The following COP1 variants were observed in gnomAD, a reference collection of about 807,000 sequenced individuals.
COP1 encodes the protein COP1 E3 ubiquitin ligase, also known as E3 ubiquitin-protein ligase COP1.
Under a neutral mutation model 101.3 loss-of-function variants are expected in COP1, and 24 were observed. The ratio of observed to expected loss-of-function variants is 0.24; its 90% CI spans 0.17 to 0.33. The LOEUF is 0.33. Ranked by LOEUF, COP1 falls within the 10% of genes least tolerant of loss-of-function variation. COP1 has a pLI of 1.00. For synonymous variants in COP1, 347 were observed against 341.9 expected, an observed-to-expected ratio of 1.01 and a Z score of -0.17; for missense variants, 663 against 906.2, an observed-to-expected ratio of 0.73 and a Z score of 3.45.
intron 15 of COP1, among the ~76,000 whole-genome samples, chr1:176,022,607 G>A (rs749313346): frequency 2.2e-4 from 33 of 152,140 alleles, no homozygotes; most frequent in South Asian, 4.2e-4. Flanking sequence ...ACTGAATATC[G>A]GTCAGTTTTC....
chr1:176,089,021 G>A (rs1680764788), intron 9 of COP1, among the ~76,000 whole-genome samples: 2 of 147,358 alleles, frequency 1.4e-5, no homozygotes, highest in Admixed American at 1.4e-4. Flanking sequence ...AATCTATTTA[G>A]GCCGGGCGTG....
At chr1:176,183,389 A>C (rs1242621151) in intron 2 of COP1, among the ~76,000 whole-genome samples, 1 of 152,240 alleles carries the variant, frequency 6.6e-6, no homozygotes, top group African/African-American at 2.4e-5. Context: ...AAGCAAAAAT[A>C]ATTAAAAATA....
chr1:176,051,892 G>A (rs751531152), intron 11 of COP1, among the ~76,000 whole-genome samples: 21 of 151,958 alleles, frequency 1.4e-4, no homozygotes, highest in Non-Finnish European at 2.8e-4. Context: ...TTTTAGCCAA[G>A]GGTTATTGCA....
chr1:176,016,386 T>G (rs905893037), intron 15 of COP1, among the ~76,000 whole-genome samples: 1 of 152,014 alleles, frequency 6.6e-6, no homozygotes, highest in Non-Finnish European at 1.5e-5. Flanking sequence ...CAGAAGTGAG[T>G]GGTCAACAGT....
At chr1:175,993,623 G>A (rs368655103) in intron 15 of COP1, among the ~76,000 whole-genome samples, 20 of 152,176 alleles carry the variant, frequency 1.3e-4, no homozygotes, top group Non-Finnish European at 2.4e-4. Context: ...CCGATGAGAT[G>A]AACTGGAAGA....
Position 176,206,996 on chromosome 1 carries a change from C to T in COP1, c.-18G>A. The T allele has an allele frequency of 7.3e-7, 1 of 1,366,782 alleles. No individual in the cohort carries two copies. Among genetic ancestry groups the T allele is most frequent in the Non-Finnish European group, 9.4e-7 (1 of 1,062,946 alleles). 84.7% of individuals were successfully genotyped at this position (1,366,782 alleles called of 1,614,324 possible). A position where few individuals can be genotyped will look rare whatever the true frequency, so the allele number is the denominator to read the frequency against. ...CCAGACATCGTGACTCCCTCCCCTCCAGCCGGGCGCTCGGAGGAGAGGGAC... is the reference window on the plus strand; with the variant it reads ...CCAGACATCGTGACTCCCTCCCCTCTAGCCGGGCGCTCGGAGGAGAGGGAC... On this transcript the variant is annotated 5_prime_UTR_variant, in exon 1 of 20. Transcript: ENST00000367669.
At chr1:176,093,201 G>A (rs1455205020) in intron 9 of COP1, among the ~76,000 whole-genome samples, 1 of 152,106 alleles carries the variant, frequency 6.6e-6, no homozygotes. Flanking sequence ...TATTTGGATA[G>A]GAAGCAGGTG....
intron 18 of COP1, among the ~76,000 whole-genome samples, chr1:175,950,597 A>AT (rs1399876940): frequency 2.6e-5 from 4 of 152,076 alleles, no homozygotes; most frequent in African/African-American, 7.2e-5. Context: ...TCAACAGGTT[A>AT]TTTTTTACTT....
chr1:176,047,463 T>G (rs920684082), intron 11 of COP1, among the ~76,000 whole-genome samples: 2 of 152,204 alleles, frequency 1.3e-5, no homozygotes, highest in African/African-American at 2.4e-5. Context: ...TCAGAGCTGG[T>G]GCTAATAATT....
chr1:176,047,022 A>C (rs1383077798), intron 11 of COP1, among the ~76,000 whole-genome samples: 1 of 152,158 alleles, frequency 6.6e-6, no homozygotes, highest in Non-Finnish European at 1.5e-5. Flanking sequence ...TTTTTATATA[A>C]GCTCCAAAAC....
intron 9 of COP1, among the ~76,000 whole-genome samples, chr1:176,091,564 A>C (rs1160890862): frequency 1.3e-5 from 2 of 152,180 alleles, no homozygotes; most frequent in African/African-American, 2.4e-5. Context: ...AGTCAGAAGA[A>C]AGTGAAAAAA....
chr1:175,972,483 T>TTTTTTTTTTTTTA (rs1553281799), intron 18 of COP1, among the ~76,000 whole-genome samples: 14 of 150,100 alleles, frequency 9.3e-5, no homozygotes, highest in African/African-American at 3.2e-4. Context: ...TTTTTTTTTT[T>TTTTTTTTTTTTTA]GAGACAGAGT....
Position 176,046,331 on chromosome 1 carries a change from G to C in COP1, c.1278-7C>G, listed in dbSNP as rs1179370751. 3 of 1,601,168 alleles carry C rather than the reference G, an allele frequency of 1.9e-6. No individual in the cohort carries two copies. Among genetic ancestry groups the C allele is most frequent in the Non-Finnish European group, 1.7e-6 (2 of 1,176,310 alleles). ...ATCCCGGTCAAATTCAATACTAAGGGGAAAAAGTATGTAATGACAACATTT... is the reference window on the plus strand; with the variant it reads ...ATCCCGGTCAAATTCAATACTAAGGCGAAAAAGTATGTAATGACAACATTT... On this transcript the variant is annotated splice_polypyrimidine_tract_variant and splice_region_variant and intron_variant, in intron 11 of 19. Coordinates refer to ENST00000367669, the MANE Select transcript of COP1 (RefSeq NM_022457.7).
At chr1:176,020,284 C>T (rs1452515645) in intron 15 of COP1, among the ~76,000 whole-genome samples, 1 of 146,736 alleles carries the variant, frequency 6.8e-6, no homozygotes. Flanking sequence ...GCCCTCCAGC[C>T]TGGGCGACAA....
At chr1:176,005,414 T>C (rs1662891606) in intron 15 of COP1, among the ~76,000 whole-genome samples, 2 of 152,306 alleles carry the variant, frequency 1.3e-5, no homozygotes, top group African/African-American at 4.8e-5. Context: ...TGTTTGGTCT[T>C]GCTTTTCTAG....
At chr1:176,074,669 T>TCA (rs1002287044) in intron 11 of COP1, among the ~76,000 whole-genome samples, 3 of 151,950 alleles carry the variant, frequency 2.0e-5, no homozygotes, top group Non-Finnish European at 2.9e-5. Context: ...CACATAAATG[T>TCA]CAGTATGATT....
At position 175,988,308 on chromosome 1, in the gene COP1, T is replaced by C. The variant is rs201905141; in HGVS notation, c.1952A>G (p.Asn651Ser). 34 of 1,612,014 alleles carry C rather than the reference T, an allele frequency of 2.1e-5. No homozygotes were observed. Among genetic ancestry groups the C allele is most frequent in the South Asian group, 6.6e-5 (6 of 90,952 alleles). The part of the protein sequence containing the change: ...NEKNFVGLAS[N>S]GDYIACGSEN... ...CTTACCACAAGCTATATAATCTCCA[T>C]TGGAAGCCAGGCCTACAAAGTTTTT... is the stretch of plus-strand genomic sequence containing the variant. The change falls in exon 17 of 20, where the codon AAT becomes AGT. Residue 651 changes from asparagine to serine, a missense_variant. This residue lies in a region of COP1 where 209 missense variants were observed against 383.3 expected (regional missense o/e 0.55). Coordinates refer to ENST00000367669, the MANE Select transcript of COP1 (RefSeq NM_022457.7).
intron 8 of COP1, among the ~76,000 whole-genome samples, chr1:176,119,856 T>C (rs945417711): frequency 6.6e-6 from 1 of 152,182 alleles, no homozygotes; most frequent in Non-Finnish European, 1.5e-5. Flanking sequence ...TAGATAATAC[T>C]ATTATCATTC....
intron 7 of COP1, among the ~76,000 whole-genome samples, 200 bp from the exon 8 acceptor site, chr1:176,135,286 G>A (rs1157247948): frequency 6.6e-6 from 1 of 151,720 alleles, no homozygotes; most frequent in Non-Finnish European, 1.5e-5. Context: ...CCTTTTCCAT[G>A]GTACACAATC....
Sources: allele counts gnomAD v4.1 joint callset (sites outside exome capture counted in the v4.1 genomes callset), GRCh38; gene constraint gnomAD v4.1.1; regional missense constraint gnomAD v4.1.1; transcripts MANE v1.5; gene names NCBI Gene and HGNC (gene_info 2026-07-23, HGNC 2026-07-21).